Variants in ZMAT4 observed in about 807,000 individuals in gnomAD.
ZMAT4 encodes the protein zinc finger matrin-type 4.
Under a neutral mutation model 28.7 loss-of-function variants are expected in ZMAT4, and 17 were observed. The observed-to-expected ratio is 0.59, with a 90% CI of 0.41 to 0.89. ZMAT4 has a LOEUF of 0.89. ZMAT4 is among the 40% of genes least tolerant of loss of function. The pLI is 0.00. For synonymous variants in ZMAT4, 117 were observed against 109.2 expected, an observed-to-expected ratio of 1.07 and a Z score of -0.44; for missense variants, 240 against 283.8, an observed-to-expected ratio of 0.85 and a Z score of 1.11.
chr8:40,865,171 AC>A (rs1817633633), intron 1 of ZMAT4, among the ~76,000 whole-genome samples: 1 of 152,174 alleles, frequency 6.6e-6, no homozygotes, highest in Non-Finnish European at 1.5e-5. Context: ...CTGCATTCAC[AC>A]ATTCTCAACG....
intron 6 of ZMAT4, among the ~76,000 whole-genome samples, chr8:40,556,737 T>C (rs1051371237): frequency 6.6e-6 from 1 of 152,204 alleles, no homozygotes; most frequent in African/African-American, 2.4e-5. Context: ...ATGGGGTACA[T>C]GTGAGTATTT....
chr8:40,577,439 A>G (rs560893913), intron 6 of ZMAT4, among the ~76,000 whole-genome samples: 132 of 152,322 alleles, frequency 8.7e-4, no homozygotes, highest in African/African-American at 3.1e-3. Flanking sequence ...AAGAAGATCC[A>G]CATCTTCTCA....
intron 2 of ZMAT4, among the ~76,000 whole-genome samples, chr8:40,770,900 T>C (rs936726293): frequency 1.3e-5 from 2 of 152,130 alleles, no homozygotes; most frequent in African/African-American, 2.4e-5. Context: ...CTCTACCCTG[T>C]ACCTACTGGA....
chr8:40,536,595 G>T (rs1802855050), intron 6 of ZMAT4, among the ~76,000 whole-genome samples: 1 of 152,070 alleles, frequency 6.6e-6, no homozygotes, highest in South Asian at 2.1e-4. Flanking sequence ...TCTACGTGCT[G>T]GCTCTCACAT....
intron 3 of ZMAT4, among the ~76,000 whole-genome samples, chr8:40,720,892 G>T (rs1250228472): frequency 2.6e-5 from 4 of 152,118 alleles, no homozygotes; most frequent in Admixed American, 1.3e-4. Context: ...GGGAGGGAAG[G>T]GGGGGAAATA....
Position 40,872,470 on chromosome 8 carries a change from CT to C in ZMAT4, c.-5+25212del, listed in dbSNP as rs368962714. On this transcript the variant is annotated intron_variant, in intron 1 of 6. Coordinates refer to ENST00000297737, the MANE Select transcript of ZMAT4 (RefSeq NM_024645.3). ...ACCCTGGAGAAGGAGAGTAAACAAG[CT>C]GGGAAATGCCACCAGTGTGCTCTCA... Among the ~76,000 whole-genome samples, 230 of 152,280 alleles carry C rather than the reference CT, an allele frequency of 1.5e-3. 1 individual carries two copies. Among genetic ancestry groups the C allele is most frequent in the African/African-American group, 5.2e-3 (214 of 41,548 alleles).
At chr8:40,767,795 G>C in intron 2 of ZMAT4, 65 bp from the exon 3 acceptor site, 1 of 1,319,524 alleles carries the variant, frequency 7.6e-7, no homozygotes, top group Non-Finnish European at 1.0e-6. Flanking sequence ...TTGAAACCTA[G>C]CCAGTGCCCG....
At chr8:40,717,735 T>A (rs1585930983) in intron 3 of ZMAT4, among the ~76,000 whole-genome samples, 1 of 152,144 alleles carries the variant, frequency 6.6e-6, no homozygotes, top group Non-Finnish European at 1.5e-5. Context: ...TAAAAATGTA[T>A]ATTTCTTGAA....
intron 5 of ZMAT4, among the ~76,000 whole-genome samples, chr8:40,655,028 A>G (rs1463224334): frequency 1.3e-5 from 2 of 149,736 alleles, no homozygotes; most frequent in Non-Finnish European, 3.0e-5. Flanking sequence ...AGATAACATG[A>G]TGTTGTATTT....
intron 5 of ZMAT4, among the ~76,000 whole-genome samples, chr8:40,588,510 G>A (rs1332995709): frequency 1.3e-5 from 2 of 151,910 alleles, no homozygotes; most frequent in Non-Finnish European, 2.9e-5. Context: ...TGACCAATAA[G>A]CACATGAAAA....
At chr8:40,789,066 G>T (rs545453924) in intron 2 of ZMAT4, among the ~76,000 whole-genome samples, 1 of 147,448 alleles carries the variant, frequency 6.8e-6, no homozygotes, top group South Asian at 2.2e-4. Context: ...GGAAGGGAAG[G>T]GAGGGAAGGG....
At chr8:40,808,670 T>C (rs11777437) in intron 2 of ZMAT4, 213,385 of 324,422 alleles carry the variant, frequency 0.66, 71,556 homozygotes, top group Middle Eastern at 0.71. Context: ...TCAGGGGAGG[T>C]AACAAGAAAG....
chr8:40,876,243 G>T (rs1269831852), intron 1 of ZMAT4, among the ~76,000 whole-genome samples: 1 of 152,116 alleles, frequency 6.6e-6, no homozygotes, highest in African/African-American at 2.4e-5. Context: ...AGACAATGAA[G>T]ATGAAGACCT....
intron 4 of ZMAT4, among the ~76,000 whole-genome samples, chr8:40,694,628 A>G (rs1809796094): frequency 6.6e-6 from 1 of 152,076 alleles, no homozygotes; most frequent in African/African-American, 2.4e-5. Flanking sequence ...CACAATGCCT[A>G]CTTCTGCTGT....
chr8:40,834,238 C>A (rs1330402120), intron 1 of ZMAT4, among the ~76,000 whole-genome samples: 3 of 152,130 alleles, frequency 2.0e-5, no homozygotes, highest in Non-Finnish European at 4.4e-5. Context: ...AAAGGCAGCC[C>A]CAGCCTGCAG....
At chr8:40,846,730 G>A (rs1337673258) in intron 1 of ZMAT4, among the ~76,000 whole-genome samples, 4 of 152,194 alleles carry the variant, frequency 2.6e-5, no homozygotes, top group Admixed American at 6.5e-5. Context: ...GGGCAGACCC[G>A]CACAGCTGCT....
At chr8:40,660,598 A>G (rs574873576) in intron 5 of ZMAT4, among the ~76,000 whole-genome samples, 27 of 152,296 alleles carry the variant, frequency 1.8e-4, no homozygotes, top group South Asian at 4.1e-4. Flanking sequence ...GCACCATAGA[A>G]TTTAATTTCT....
intron 6 of ZMAT4, among the ~76,000 whole-genome samples, chr8:40,569,736 C>T (rs12541751): frequency 0.091 from 13,829 of 152,140 alleles, 840 homozygotes; most frequent in Admixed American, 0.19. Flanking sequence ...TTGCCTTTAA[C>T]GTAAGAACAG....
At chr8:40,654,371 G>A (rs962439325) in intron 5 of ZMAT4, among the ~76,000 whole-genome samples, 1 of 152,110 alleles carries the variant, frequency 6.6e-6, no homozygotes, top group Non-Finnish European at 1.5e-5. Flanking sequence ...TTGCATACAA[G>A]CCTATCAAAG....
Sources: gnomAD v4.1 joint callset for allele counts (sites outside exome capture counted in the v4.1 genomes callset) on GRCh38, gnomAD v4.1.1 for gene constraint, MANE v1.5 for transcripts, NCBI Gene and HGNC (gene_info 2026-07-23, HGNC 2026-07-21) for gene names.